Variants in GNG7 observed in about 807,000 individuals in gnomAD.
GNG7 encodes the protein guanine nucleotide-binding protein G(I)/G(S)/G(O) subunit gamma-7.
A neutral mutation model predicts 4.0 loss-of-function variants in GNG7; 1 was observed. The ratio of observed to expected loss-of-function variants is 0.25; its 90% CI spans 0.09 to 1.18. GNG7 has a LOEUF of 1.18. Among genes scored for constraint, GNG7 ranks in the 50% most tolerant of loss-of-function variants. The pLI is 0.50. For synonymous variants in GNG7, 34 were observed against 36.9 expected, an observed-to-expected ratio of 0.92 and a Z score of 0.29; for missense variants, 86 against 91.9, an observed-to-expected ratio of 0.94 and a Z score of 0.26.
intron 1 of GNG7, among the ~76,000 whole-genome samples, chr19:2,694,218 T>A (rs955781224): frequency 1.4e-4 from 21 of 151,542 alleles, no homozygotes; most frequent in East Asian, 1.2e-3. Flanking sequence ...TTGGGGAGAT[T>A]TTTTTGTTGC....
rs559789520 is a variant in GNG7 at position 2,609,012 on chromosome 19, C to T, written c.-78+37212G>A. Among the ~76,000 whole-genome samples, 148 of 15,904 alleles carry T rather than the reference C, an allele frequency of 9.3e-3. No individual in the cohort carries two copies. The highest frequency in any genetic ancestry group is 0.012 in the African/African-American group (142 of 11,476). The allele number at this position is 15,904 out of a possible 152,430, so 10.4% of individuals were successfully genotyped here. A position where few individuals can be genotyped will look rare whatever the true frequency, so the allele number is the denominator to read the frequency against. ...CATGCCTACCTAGTTCTTGTACATT[C>T]TCTCTCTCTCTCTCTCTCTCTTTTT... is the stretch of plus-strand genomic sequence containing the variant. On this transcript the variant is annotated intron_variant, in intron 2 of 4. Coordinates refer to ENST00000382159, the MANE Select transcript of GNG7 (RefSeq NM_052847.3). The surrounding 1 kb of genome is among the most constrained non-coding windows in gnomAD (Gnocchi z 4.4).
chr19:2,520,088 G>GA (rs1332112615), intron 4 of GNG7, among the ~76,000 whole-genome samples: 1 of 152,246 alleles, frequency 6.6e-6, no homozygotes, highest in Admixed American at 6.5e-5. Flanking sequence ...GGTTGAGGCA[G>GA]AAGAATTGCT....
In GNG7 at chr19:2,617,999, C is replaced by T. The variant is rs1475111563; in HGVS notation, c.-78+28225G>A. 1.3e-5 allele frequency among the ~76,000 whole-genome samples: 2 copies of T among 152,046 alleles called. No homozygotes were observed. Among genetic ancestry groups the T allele is most frequent in the African/African-American group, 2.4e-5 (1 of 41,406 alleles). On this transcript the variant is annotated intron_variant, in intron 2 of 4. Transcript: ENST00000382159. The surrounding 1 kb of genome is among the most constrained non-coding windows in gnomAD (Gnocchi z 4.7). ...CCTCCCAAAGCGCTGAGATTACAGG[C>T]GTGACTATTTCCTTATCTTCTAAGA... is the stretch of plus-strand genomic sequence containing the variant.
At chr19:2,527,808 C>T (rs1978458115) in intron 3 of GNG7, among the ~76,000 whole-genome samples, 1 of 150,040 alleles carries the variant, frequency 6.7e-6, no homozygotes, top group Non-Finnish European at 1.5e-5. Context: ...ACAGTCATGA[C>T]CAGCACAAAT....
intron 4 of GNG7, among the ~76,000 whole-genome samples, chr19:2,518,542 G>A (rs922415371): frequency 1.3e-5 from 2 of 152,170 alleles, no homozygotes; most frequent in Admixed American, 1.3e-4. Context: ...TCAGAGCTGC[G>A]CTGGAGGGAG....
chr19:2,562,952 T>C lies in GNG7; in HGVS notation c.-77-7764A>G, dbSNP rs7507874. ...ATTCAATCTTTTTCTTTTTCTTTTT[T>C]TTTGTTTTTTGAGACAGAGTCTCGC... On this transcript the variant is annotated intron_variant, in intron 2 of 4. Transcript: ENST00000382159. Among the ~76,000 whole-genome samples the C allele has an allele frequency of 5.9e-5, 9 of 152,144 alleles. 1 individual carries two copies. Among genetic ancestry groups the C allele is most frequent in the African/African-American group, 1.7e-4 (7 of 41,494 alleles).
chr19:2,534,094 C>A (rs1464935134), intron 3 of GNG7, among the ~76,000 whole-genome samples: 1 of 152,136 alleles, frequency 6.6e-6, no homozygotes, highest in Non-Finnish European at 1.5e-5. Context: ...TTGAATTTTG[C>A]AATTCTACAC....
chr19:2,538,883 C>T (rs1978845060), intron 3 of GNG7: 2 of 221,724 alleles, frequency 9.0e-6, no homozygotes, highest in African/African-American at 2.4e-5. Flanking sequence ...ATTCTCCTGC[C>T]TCAACCTCCC....
In GNG7 at chr19:2,520,733, G is replaced by A. The variant is rs573215355; in HGVS notation, c.-37-8C>T. ...GCCCCGTTGTTCAGAGAGCTGTGGG[G>A]GAAGCAGAGGGGTGTGGGTCAAAGT... On this transcript the variant is annotated splice_polypyrimidine_tract_variant and splice_region_variant and intron_variant, in intron 3 of 4. Transcript: ENST00000382159. The A allele has an allele frequency of 1.7e-6, 2 of 1,167,128 alleles. No individual in the cohort carries two copies. Among genetic ancestry groups the A allele is most frequent in the African/African-American group, 1.5e-5 (1 of 65,818 alleles). 72.3% of individuals were successfully genotyped at this position (1,167,128 alleles called of 1,614,324 possible).
At position 2,531,696 on chromosome 19, in the gene GNG7, G is replaced by A. The variant is rs562558534; in HGVS notation, c.-37-10971C>T. On this transcript the variant is annotated intron_variant, in intron 3 of 4. Transcript: ENST00000382159. ...TGAGGCAGGAGAGTGGCATGAACCC[G>A]GGAGGTGGAGCTTGCAGTGAACCGA... Among the ~76,000 whole-genome samples the A allele has an allele frequency of 5.3e-5, 8 of 151,448 alleles. No homozygotes were observed. The East Asian group carries it at 9.7e-4, about 18-fold the overall frequency.
At chr19:2,603,526 A>G (rs1357286589) in intron 2 of GNG7, among the ~76,000 whole-genome samples, 1 of 152,346 alleles carries the variant, frequency 6.6e-6, no homozygotes, top group Non-Finnish European at 1.5e-5. Context: ...CGAGGAATCC[A>G]GCCATCCCCG....
intron 3 of GNG7, among the ~76,000 whole-genome samples, chr19:2,523,352 G>A (rs1340666377): frequency 2.6e-5 from 4 of 151,742 alleles, no homozygotes; most frequent in Non-Finnish European, 5.9e-5. Flanking sequence ...AGGAGTTTGA[G>A]GCCAGCCTAG....
At chr19:2,605,254 C>A (rs1981341843) in intron 2 of GNG7, among the ~76,000 whole-genome samples, 1 of 151,986 alleles carries the variant, frequency 6.6e-6, no homozygotes, top group Non-Finnish European at 1.5e-5. Context: ...TTGGAGTGCA[C>A]CAGACACCAT....
At chr19:2,592,791 G>A (rs1357478764) in intron 2 of GNG7, among the ~76,000 whole-genome samples, 1 of 127,640 alleles carries the variant, frequency 7.8e-6, no homozygotes, top group African/African-American at 2.8e-5. Flanking sequence ...GAGGGAGGGA[G>A]GGAAGAGAGA....
At chr19:2,560,441 T>C (rs1055621227) in intron 2 of GNG7, among the ~76,000 whole-genome samples, 1 of 152,018 alleles carries the variant, frequency 6.6e-6, no homozygotes, top group Non-Finnish European at 1.5e-5. Context: ...CCACATCTTA[T>C]TTCTGTGTCC....
intron 2 of GNG7, among the ~76,000 whole-genome samples, chr19:2,575,986 C>CAG (rs72434105): frequency 0.16 from 13,184 of 84,714 alleles, 1,075 homozygotes; most frequent in African/African-American, 0.5. Context: ...CAGGCAGACA[C>CAG]ACACATGCTC....
chr19:2,602,331 C>T (rs1036260074), intron 2 of GNG7, among the ~76,000 whole-genome samples: 6 of 145,662 alleles, frequency 4.1e-5, no homozygotes, highest in South Asian at 2.1e-4. Context: ...AGCGAGACTC[C>T]GTCTCAAAAC....
At chr19:2,518,833 C>T (rs1484276200) in intron 4 of GNG7, among the ~76,000 whole-genome samples, 1 of 151,876 alleles carries the variant, frequency 6.6e-6, no homozygotes, top group African/African-American at 2.4e-5. Flanking sequence ...CTCACCCTGT[C>T]GCTTGGGGTT....
chr19:2,645,366 G>A (rs915840344), intron 2 of GNG7, among the ~76,000 whole-genome samples: 1 of 151,498 alleles, frequency 6.6e-6, no homozygotes, highest in African/African-American at 2.4e-5. Context: ...AGCCTCCCGA[G>A]TAGCTTGGAC....
Sources: allele counts gnomAD v4.1 joint callset (sites outside exome capture counted in the v4.1 genomes callset), GRCh38; gene constraint gnomAD v4.1.1; non-coding constraint Gnocchi (gnomAD v3.1); transcripts MANE v1.5; gene names NCBI Gene and HGNC (gene_info 2026-07-23, HGNC 2026-07-21).